PARD3B: variants seen among roughly 807,000 people sequenced by gnomAD.
PARD3B encodes the protein partitioning defective 3 homolog B.
Under a neutral mutation model 130.2 loss-of-function variants are expected in PARD3B, and 103 were observed. The observed-to-expected ratio is 0.79, with a 90% CI of 0.67 to 0.93. The LOEUF (loss-of-function observed/expected upper bound fraction) is 0.93, where lower values mean the gene tolerates loss of function less well. Ranked by LOEUF, PARD3B falls within the 40% of genes least tolerant of loss-of-function variation. The pLI is 0.00. For synonymous variants in PARD3B, 583 were observed against 553.2 expected (o/e 1.05, Z -0.76); for missense variants, 1,609 against 1,499.2 (o/e 1.07, Z -1.21).
intron 1 of PARD3B, among the ~76,000 whole-genome samples, chr2:204,604,823 CT>C (rs2033649707): frequency 6.6e-6 from 1 of 152,102 alleles, no homozygotes; most frequent in Non-Finnish European, 1.5e-5. Flanking sequence ...TTTATGATAT[CT>C]CTTGGGCTTG....
intron 22 of PARD3B, among the ~76,000 whole-genome samples, chr2:205,560,695 T>C (rs1268698335): frequency 6.6e-6 from 1 of 152,188 alleles, no homozygotes; most frequent in Non-Finnish European, 1.5e-5. Flanking sequence ...GTCCTTGATG[T>C]TTCTGTAATC....
chr2:205,245,320 G>A (rs1426480641), intron 15 of PARD3B, among the ~76,000 whole-genome samples: 1 of 152,114 alleles, frequency 6.6e-6, no homozygotes, highest in Non-Finnish European at 1.5e-5. Flanking sequence ...ATTGTTTCAA[G>A]GGGAATTACA....
At chr2:205,512,648 G>A (rs2050629816) in intron 21 of PARD3B, among the ~76,000 whole-genome samples, 1 of 152,118 alleles carries the variant, frequency 6.6e-6, no homozygotes, top group Non-Finnish European at 1.5e-5. Context: ...CCTGACAGTT[G>A]TATCATCAAC....
chr2:204,952,146 T>C (rs1158595772), intron 2 of PARD3B, among the ~76,000 whole-genome samples: 1 of 152,192 alleles, frequency 6.6e-6, no homozygotes, highest in Non-Finnish European at 1.5e-5. Flanking sequence ...GTGCTAGTAA[T>C]GGACATATTA....
At position 205,122,133 on chromosome 2, in the gene PARD3B, A is replaced by C. The variant is rs2030818187; in HGVS notation, c.1165+184A>C. ...TGTACTTTTTTATTCTTTTCTTCGG[A>C]GTGTATAGATTATTTTAAACAAGAA... On this transcript the variant is annotated intron_variant, in intron 8 of 22. Transcript: ENST00000406610. This position sits in a 1 kb window ranked among gnomAD's most constrained non-coding sequence, Gnocchi z 4.3. Among the ~76,000 whole-genome samples the C allele has an allele frequency of 6.6e-6, 1 of 152,066 alleles. No individual in the cohort carries two copies. Among genetic ancestry groups the C allele is most frequent in the Non-Finnish European group, 1.5e-5 (1 of 68,016 alleles).
Position 205,420,304 on chromosome 2 carries a change from C to T in PARD3B, c.2741+19181C>T, listed in dbSNP as rs183831051. Among the ~76,000 whole-genome samples the T allele has an allele frequency of 1.3e-4, 20 of 152,244 alleles. No homozygotes were observed. The East Asian group carries it at 3.3e-3, about 25-fold the overall frequency. ...TGTTATTCCTAACAATTGCTATGTA[C>T]GTGCCAGCCACACTCTTCTAATAGC... On this transcript the variant is annotated intron_variant, in intron 19 of 22. Coordinates refer to ENST00000406610, the MANE Select transcript of PARD3B (RefSeq NM_001302769.2).
chr2:205,318,044 G>A (rs142744119), intron 18 of PARD3B, among the ~76,000 whole-genome samples: 54 of 152,128 alleles, frequency 3.5e-4, no homozygotes, highest in South Asian at 1.3e-3. Flanking sequence ...AGGGAACATC[G>A]ACCAGAAATA....
intron 2 of PARD3B, among the ~76,000 whole-genome samples, chr2:204,828,181 A>C (rs559318590): frequency 6.6e-6 from 1 of 152,042 alleles, no homozygotes; most frequent in Admixed American, 6.6e-5. Context: ...ATCACAGTTA[A>C]CCTCTAAGCA....
chr2:204,789,431 T>A (rs923696659), intron 2 of PARD3B, among the ~76,000 whole-genome samples: 2 of 152,170 alleles, frequency 1.3e-5, no homozygotes, highest in African/African-American at 4.8e-5. Context: ...TTTAAGATAC[T>A]GTAACAATTA....
intron 2 of PARD3B, among the ~76,000 whole-genome samples, chr2:204,911,601 A>T (rs2047238955): frequency 6.6e-6 from 1 of 152,228 alleles, no homozygotes; most frequent in Non-Finnish European, 1.5e-5. Flanking sequence ...CCTTCATTTC[A>T]GTCTGCAACA....
At chr2:205,416,115 A>C (rs1470111526) in intron 19 of PARD3B, among the ~76,000 whole-genome samples, 1 of 152,018 alleles carries the variant, frequency 6.6e-6, no homozygotes. Flanking sequence ...TTATTTTATT[A>C]CTTTGTGACA....
chr2:205,367,251 G>A (rs1360041177), intron 18 of PARD3B, among the ~76,000 whole-genome samples: 1 of 152,204 alleles, frequency 6.6e-6, no homozygotes, highest in East Asian at 1.9e-4. Flanking sequence ...TTCGTCCAGA[G>A]AAGAGAAAGC....
chr2:204,721,800 G>T (rs2039009374), intron 2 of PARD3B, among the ~76,000 whole-genome samples: 1 of 151,876 alleles, frequency 6.6e-6, no homozygotes, highest in African/African-American at 2.4e-5. Context: ...TACATTTTTG[G>T]GTGATACTTG....
chr2:204,996,983 C>T (rs1435020077), intron 3 of PARD3B, among the ~76,000 whole-genome samples: 1 of 152,114 alleles, frequency 6.6e-6, no homozygotes, highest in Non-Finnish European at 1.5e-5. Flanking sequence ...CACTGTCTGG[C>T]ACTCCCTAGT....
intron 10 of PARD3B, among the ~76,000 whole-genome samples, chr2:205,147,892 G>T (rs975519305): frequency 6.6e-6 from 1 of 152,008 alleles, no homozygotes; most frequent in Non-Finnish European, 1.5e-5. Flanking sequence ...TATGAGTGAC[G>T]TAATATTGAA....
intron 2 of PARD3B, among the ~76,000 whole-genome samples, chr2:204,924,379 G>A (rs1323991217): frequency 6.6e-6 from 1 of 151,888 alleles, no homozygotes; most frequent in African/African-American, 2.4e-5. Flanking sequence ...AGCTTAATTC[G>A]ATCTGAATCT....
At chr2:204,977,823 A>G (rs1026094592) in intron 3 of PARD3B, among the ~76,000 whole-genome samples, 42 of 150,462 alleles carry the variant, frequency 2.8e-4, no homozygotes, top group South Asian at 6.3e-4. Context: ...AAAAAAAAAA[A>G]AAAAAAAAAA....
At chr2:204,790,194 A>C (rs1255203144) in intron 2 of PARD3B, among the ~76,000 whole-genome samples, 1 of 152,124 alleles carries the variant, frequency 6.6e-6, no homozygotes, top group African/African-American at 2.4e-5. Flanking sequence ...AAAATAGTTC[A>C]TGGAACAATT....
chr2:205,138,211 A>C (rs912118432), intron 10 of PARD3B, among the ~76,000 whole-genome samples: 1 of 152,258 alleles, frequency 6.6e-6, no homozygotes, highest in African/African-American at 2.4e-5. Context: ...AATAATTCTT[A>C]TTCTTATTTT....
Sources: gnomAD v4.1 joint callset for allele counts (sites outside exome capture counted in the v4.1 genomes callset) on GRCh38, gnomAD v4.1.1 for gene constraint, Gnocchi (gnomAD v3.1) non-coding constraint, MANE v1.5 for transcripts, NCBI Gene and HGNC (gene_info 2026-07-23, HGNC 2026-07-21) for gene names.